Variants in BCL9L observed in about 807,000 individuals in gnomAD.
The protein encoded by BCL9L is B-cell CLL/lymphoma 9-like protein.
Under a neutral mutation model 99.4 loss-of-function variants are expected in BCL9L, and 19 were observed. The ratio of observed to expected loss-of-function variants is 0.19; its 90% CI spans 0.13 to 0.28. The LOEUF (loss-of-function observed/expected upper bound fraction) is 0.28. Ranked by LOEUF, BCL9L falls within the 10% of genes least tolerant of loss-of-function variation. The pLI is 1.00. For synonymous variants in BCL9L, 900 were observed against 854.8 expected (o/e 1.05, Z -0.92); for missense variants, 2,023 against 2,101.6 (o/e 0.96, Z 0.73).
At chr11:118,910,163 C>T in intron 2 of BCL9L, 148 bp from the exon 3 acceptor site, 1 of 609,290 alleles carries the variant, frequency 1.6e-6, no homozygotes, top group South Asian at 1.8e-5. Flanking sequence ...GAGATGGGGT[C>T]TCGATCCTGG....
intron 2 of BCL9L, among the ~76,000 whole-genome samples, chr11:118,911,509 C>T (rs1487723255): frequency 6.6e-6 from 1 of 152,252 alleles, no homozygotes; most frequent in East Asian, 1.9e-4. Context: ...CCACCCCCAG[C>T]TTCTCCATCA....
chr11:118,917,066 C>T (rs143248242), intron 2 of BCL9L, among the ~76,000 whole-genome samples: 1 of 152,318 alleles, frequency 6.6e-6, no homozygotes, highest in East Asian at 1.9e-4. Context: ...TGGGCCTTCT[C>T]CAGGCCCCTG....
Position 118,899,290 on chromosome 11 carries a change from G to A in BCL9L, c.3625C>T (p.Pro1209Ser), listed in dbSNP as rs1185091027. 8.5e-6 allele frequency: 13 copies of A among 1,526,288 alleles called. No homozygotes were observed. Among genetic ancestry groups the A allele is most frequent in the Non-Finnish European group, 1.1e-5 (12 of 1,137,410 alleles). The allele number at this position is 1,526,288 out of a possible 1,614,324, so 94.5% of individuals were successfully genotyped here. Residue 1209 changes from proline (P) to serine (S), a missense_variant, in exon 10 of 10, where the codon CCC becomes TCC. Transcript: ENST00000683865. ...QNSMMMAPGG[P>S]DSLNAPCGPV... ...CCACAGGGGGCATTCAGGGAGTCGGGGCCCCCTGGGGCCATCATCATGGAG... is the reference window on the plus strand; with the variant it reads ...CCACAGGGGGCATTCAGGGAGTCGGAGCCCCCTGGGGCCATCATCATGGAG...
chr11:118,920,408 C>A (rs878882022), intron 1 of BCL9L, among the ~76,000 whole-genome samples: 4 of 152,176 alleles, frequency 2.6e-5, no homozygotes, highest in Non-Finnish European at 5.9e-5. Context: ...GGGCAGCTGG[C>A]CCCACCCCAG....
At chr11:118,909,571 ACTGAGGCCAGAG>A (rs1274350082) in intron 3 of BCL9L, among the ~76,000 whole-genome samples, 2 of 152,148 alleles carry the variant, frequency 1.3e-5, no homozygotes, top group African/African-American at 2.4e-5. Context: ...CTCCAGCTAG[ACTGAGGCCAGAG>A]GCGGCCTTCG....
At chr11:118,920,380 G>A (rs952085809) in intron 1 of BCL9L, among the ~76,000 whole-genome samples, 4 of 152,264 alleles carry the variant, frequency 2.6e-5, no homozygotes, top group Admixed American at 6.5e-5. Flanking sequence ...GACTTCCCAC[G>A]ATCGATCAAG....
chr11:118,901,801 C>T lies in BCL9L; in HGVS notation c.1942G>A (p.Gly648Arg). The change falls in exon 8 of 10, where the codon GGA becomes AGA. Residue 648 changes from glycine (G) to arginine (R), a missense_variant. Gly to Arg is a moderately radical substitution (Grantham distance 125, BLOSUM62 -2). Around this residue, in one of 3 missense-constraint regions of BCL9L, gnomAD observed 1,116 missense variants for 1,194.6 expected, o/e 0.93. Transcript: ENST00000683865. This position sits in a 1 kb window ranked among gnomAD's most constrained non-coding sequence, Gnocchi z 6.6. Reference sequence around the variant, plus strand: ...GTGTTCTGGGCAAAATTGCTGGGTCCCCCCATAGGGGGCAAGTCTTCGGTC... The same window carrying T: ...GTGTTCTGGGCAAAATTGCTGGGTCTCCCCATAGGGGGCAAGTCTTCGGTC... ...GWTEDLPPMG[G>R]PSNFAQNTMP... 4 of 1,610,888 alleles carry T rather than the reference C, an allele frequency of 2.5e-6. No homozygotes were observed. Among genetic ancestry groups the T allele is most frequent in the South Asian group, 1.1e-5 (1 of 90,974 alleles).
chr11:118,902,268 G>T lies in BCL9L; in HGVS notation c.1475C>A (p.Pro492His). 6.3e-7 allele frequency: 1 copy of T among 1,596,928 alleles called. No homozygotes were observed. The highest frequency in any genetic ancestry group is 1.1e-5 in the South Asian group (1 of 88,446). ...CTGCTGCCCCATGTCCCCACCCGGG[G>T]GGTGCCCAGGCACTTCATGCTCCAG... ...PPLEHEVPGH[P>H]PGGDMGQQMN... The change falls in exon 8 of 10, where the codon CCC becomes CAC. Residue 492 changes from proline to histidine, a missense_variant. Coordinates refer to ENST00000683865, the MANE Select transcript of BCL9L (RefSeq NM_001378213.1). The surrounding 1 kb of genome is among the most constrained non-coding windows in gnomAD (Gnocchi z 7.8).
intron 5 of BCL9L, among the ~76,000 whole-genome samples, chr11:118,904,698 T>C (rs911373406): frequency 1.3e-5 from 2 of 152,320 alleles, no homozygotes; most frequent in East Asian, 1.9e-4. Flanking sequence ...TCTCAGTTAA[T>C]GGGAGACAGA....
rs768217624 is a variant in BCL9L, at chr11:118,898,568, C to T, written c.4347G>A (p.Pro1449=). 8.1e-6 allele frequency: 13 copies of T among 1,608,424 alleles called. No individual in the cohort carries two copies. The highest frequency in any genetic ancestry group is 1.7e-4 in the Middle Eastern group (1 of 6,024). ...RGVGGEVYSQ[P]PHMLSPQGSL... ...AGCCCTGCGGGGAGAGCATGTGGGG[C>T]GGCTGGCTGTAGACCTCGCCCCCCA... Residue 1449 remains proline (P), a synonymous_variant, in exon 10 of 10, where the codon CCG becomes CCA. Coordinates refer to ENST00000683865, the MANE Select transcript of BCL9L (RefSeq NM_001378213.1).
chr11:118,902,476 G>A lies in BCL9L; in HGVS notation c.1267C>T (p.Arg423Cys), dbSNP rs774764624. 6.2e-6 allele frequency: 10 copies of A among 1,609,366 alleles called. No homozygotes were observed. The highest frequency in any genetic ancestry group is 2.7e-5 in the African/African-American group (2 of 74,904). ...TLRDIERLLL[R>C]SGETEPFLKG... ...AGGAAGGGCTCAGTCTCTCCGCTGC[G>A]GAGCAGCAGTCGCTCAATGTCTCGC... The change falls in exon 8 of 10, where the codon CGC (arginine) becomes TGC (cysteine). Residue 423 changes from arginine (R) to cysteine (C), a missense_variant. By Grantham distance (180) the Arg-to-Cys change is radical (BLOSUM62 -3). Around this residue, in one of 3 missense-constraint regions of BCL9L, gnomAD observed 1,116 missense variants for 1,194.6 expected, o/e 0.93. Coordinates refer to ENST00000683865, the MANE Select transcript of BCL9L (RefSeq NM_001378213.1). This position sits in a 1 kb window ranked among gnomAD's most constrained non-coding sequence, Gnocchi z 7.8.
chr11:118,921,062 A>G lies in BCL9L; in HGVS notation c.-130-2183T>C, dbSNP rs1158490054. On this transcript the variant is annotated intron_variant, in intron 1 of 9. Transcript: ENST00000683865. This position sits in a 1 kb window ranked among gnomAD's most constrained non-coding sequence, Gnocchi z 5.4. Reference sequence around the variant, plus strand: ...CCCCGGACACTTACAACACAGACACAACTCCCAAAGATGCACATCCAAAGA... The same window carrying G: ...CCCCGGACACTTACAACACAGACACGACTCCCAAAGATGCACATCCAAAGA... 6.6e-6 allele frequency among the ~76,000 whole-genome samples: 1 copy of G among 152,126 alleles called. No homozygotes were observed. The highest frequency in any genetic ancestry group is 2.4e-5 in the African/African-American group (1 of 41,414).
chr11:118,903,113 G>A lies in BCL9L; in HGVS notation c.750-39C>T. ...GGGCACCGACAGCTCAGAGAGGTGAGCAGGAGGGAGCCCCACCCTCACCCA... is the reference window on the plus strand; with the variant it reads ...GGGCACCGACAGCTCAGAGAGGTGAACAGGAGGGAGCCCCACCCTCACCCA... On this transcript the variant is annotated intron_variant, in intron 6 of 9. Transcript: ENST00000683865. This position sits in a 1 kb window ranked among gnomAD's most constrained non-coding sequence, Gnocchi z 5.6. 1 of 1,551,572 alleles carries A rather than the reference G, an allele frequency of 6.4e-7. No homozygotes were observed.
In BCL9L at chr11:118,908,991, T is replaced by C. The variant is rs117784064; in HGVS notation, c.27-336A>G. On this transcript the variant is annotated intron_variant, in intron 3 of 9. Coordinates refer to ENST00000683865, the MANE Select transcript of BCL9L (RefSeq NM_001378213.1). ...GCAAGCTTCTGTGGCAACCCTGTCC[T>C]CTGTATCAGACTTAAGCATCCTCTC... is the stretch of plus-strand genomic sequence containing the variant. Among the ~76,000 whole-genome samples, 683 of 152,312 alleles carry C rather than the reference T, an allele frequency of 4.5e-3. 3 individuals carry two copies. Among genetic ancestry groups the C allele is most frequent in the Non-Finnish European group, 8.0e-3 (544 of 68,024 alleles).
At chr11:118,899,845 A>G in intron 9 of BCL9L, 72 bp downstream of exon 9, 1 of 1,516,532 alleles carries the variant, frequency 6.6e-7, no homozygotes, top group Non-Finnish European at 8.9e-7. Flanking sequence ...AGCCAGCACA[A>G]CCACAGCTGT....
intron 5 of BCL9L, 79 bp downstream of exon 5, chr11:118,907,404 T>C (rs1369089209): frequency 1.9e-6 from 3 of 1,605,704 alleles, no homozygotes; most frequent in Non-Finnish European, 2.6e-6. Flanking sequence ...TCCTCACTTC[T>C]TTCCCAGGCT....
At chr11:118,909,363 C>A (rs1216415706) in intron 3 of BCL9L, among the ~76,000 whole-genome samples, 1 of 152,202 alleles carries the variant, frequency 6.6e-6, no homozygotes, top group Non-Finnish European at 1.5e-5. Flanking sequence ...CTCCCCCCGC[C>A]GCCTCCCCCT....
In BCL9L at chr11:118,901,018, C is replaced by T; in HGVS notation, c.2725G>A (p.Gly909Arg). The change falls in exon 8 of 10, where the codon GGG becomes AGG. Residue 909 changes from glycine to arginine, a missense_variant. Gly to Arg is a moderately radical substitution (Grantham distance 125). Around this residue, in one of 3 missense-constraint regions of BCL9L, gnomAD observed 902 missense variants for 888.2 expected, o/e 1.02. Coordinates refer to ENST00000683865, the MANE Select transcript of BCL9L (RefSeq NM_001378213.1). The surrounding 1 kb of genome is among the most constrained non-coding windows in gnomAD (Gnocchi z 6.6). ...PGTVHSAPNR[G>R]LGRRPSDLTI... is the part of the protein sequence containing the mutation. ...AGGTCCGAAGGCCGCCTGCCTAGCCCCCGGTTTGGGGCTGAATGCACGGTC... is the reference window on the plus strand; with the variant it reads ...AGGTCCGAAGGCCGCCTGCCTAGCCTCCGGTTTGGGGCTGAATGCACGGTC... The T allele has an allele frequency of 6.4e-7, 1 of 1,561,366 alleles. No homozygotes were observed. Among genetic ancestry groups the T allele is most frequent in the Non-Finnish European group, 8.7e-7 (1 of 1,152,684 alleles).
rs1253269635 is a variant in BCL9L at position 118,898,700 on chromosome 11, C to T, written c.4215G>A (p.Val1405=). ...GQMSLLGRTG[V]PPQQGMVPHG... ...GGGGCACCATCCCCTGCTGTGGGGG[C>T]ACGCCTGTCCTGCCCAGCAAGGACA... Residue 1405 remains valine, a synonymous_variant, in exon 10 of 10, where the codon GTG becomes GTA. Coordinates refer to ENST00000683865, the MANE Select transcript of BCL9L (RefSeq NM_001378213.1). The T allele has an allele frequency of 1.2e-6, 2 of 1,611,432 alleles. No individual in the cohort carries two copies. Among genetic ancestry groups the T allele is most frequent in the African/African-American group, 1.3e-5 (1 of 74,918 alleles).
Sources: allele counts gnomAD v4.1 joint callset (sites outside exome capture counted in the v4.1 genomes callset), GRCh38; gene constraint gnomAD v4.1.1; regional missense constraint gnomAD v4.1.1; non-coding constraint Gnocchi (gnomAD v3.1); transcripts MANE v1.5; gene names NCBI Gene and HGNC (gene_info 2026-07-23, HGNC 2026-07-21).